Variants in GREB1L observed in about 807,000 individuals in gnomAD.
GREB1L encodes GREB1-like protein.
Under a neutral mutation model 200.8 loss-of-function variants are expected in GREB1L, and 17 were observed. That is an observed-to-expected ratio of 0.08 (90% CI 0.06 to 0.13). The LOEUF is 0.13. Ranked by LOEUF, GREB1L falls within the 10% of genes least tolerant of loss-of-function variation. The pLI is 1.00. For synonymous variants in GREB1L, 789 were observed against 893.0 expected (o/e 0.88, Z 2.08); for missense variants, 1,657 against 2,367.7 (o/e 0.70, Z 6.23).
At chr18:21,285,986 G>T (rs1598630293) in intron 1 of GREB1L, among the ~76,000 whole-genome samples, 1 of 152,190 alleles carries the variant, frequency 6.6e-6, no homozygotes, top group African/African-American at 2.4e-5. Context: ...CAAATGGTCT[G>T]TGATGAAGAC....
At chr18:21,254,420 G>T (rs1363591190) in intron 1 of GREB1L, among the ~76,000 whole-genome samples, 1 of 151,742 alleles carries the variant, frequency 6.6e-6, no homozygotes, top group Non-Finnish European at 1.5e-5. Context: ...TGTTTTTCAC[G>T]CGTATCATTT....
At chr18:21,314,147 A>G (rs774376818) in intron 1 of GREB1L, among the ~76,000 whole-genome samples, 2 of 152,234 alleles carry the variant, frequency 1.3e-5, no homozygotes, top group Non-Finnish European at 1.5e-5. Context: ...TGTATCTGCT[A>G]TTAGTGACTT....
chr18:21,376,695 C>G (rs571257177), intron 2 of GREB1L, among the ~76,000 whole-genome samples: 5 of 150,474 alleles, frequency 3.3e-5, no homozygotes, highest in African/African-American at 9.8e-5. Context: ...GTCCCAGCTA[C>G]TTGGGAGGCT....
chr18:21,481,752 T>C (rs2035932439), intron 17 of GREB1L, among the ~76,000 whole-genome samples: 1 of 152,140 alleles, frequency 6.6e-6, no homozygotes, highest in Non-Finnish European at 1.5e-5. Context: ...ATGTACTCTC[T>C]TGTATCTGAC....
intron 31 of GREB1L, among the ~76,000 whole-genome samples, chr18:21,518,933 A>G (rs11083186): frequency 6.6e-6 from 1 of 151,994 alleles, no homozygotes; most frequent in Non-Finnish European, 1.5e-5. Flanking sequence ...CCAGAAGAAT[A>G]TTTTGGTGTA....
chr18:21,429,665 T>A (rs2032988876), intron 7 of GREB1L, among the ~76,000 whole-genome samples: 1 of 152,184 alleles, frequency 6.6e-6, no homozygotes, highest in Admixed American at 6.5e-5. Context: ...TCTTTGTGGA[T>A]AATTGTGGGA....
chr18:21,364,131 G>C (rs1178738754), intron 1 of GREB1L, among the ~76,000 whole-genome samples: 2 of 151,702 alleles, frequency 1.3e-5, no homozygotes, highest in Non-Finnish European at 2.9e-5. Flanking sequence ...AAAATGAAAA[G>C]TTTTGGCCAC....
At chr18:21,253,993 T>A (rs2037758404) in intron 1 of GREB1L, among the ~76,000 whole-genome samples, 1 of 151,390 alleles carries the variant, frequency 6.6e-6, no homozygotes, top group South Asian at 2.1e-4. Context: ...TGTACCACTA[T>A]GCCTGGTTAA....
At chr18:21,298,303 C>G (rs1040093528) in intron 1 of GREB1L, among the ~76,000 whole-genome samples, 1 of 152,174 alleles carries the variant, frequency 6.6e-6, no homozygotes, top group African/African-American at 2.4e-5. Context: ...CTTTGTCTCT[C>G]TCACTTCCTA....
chr18:21,299,921 T>TA (rs1447511429), intron 1 of GREB1L, among the ~76,000 whole-genome samples: 2 of 152,140 alleles, frequency 1.3e-5, no homozygotes, highest in Non-Finnish European at 2.9e-5. Flanking sequence ...GTATATTACA[T>TA]ATAGAATACC....
intron 1 of GREB1L, among the ~76,000 whole-genome samples, chr18:21,267,194 T>A (rs865932097): frequency 4.1e-5 from 6 of 146,378 alleles, no homozygotes; most frequent in African/African-American, 1.5e-4. Flanking sequence ...GGCCGCTTTT[T>A]TTTTTTTTTT....
intron 32 of GREB1L, among the ~76,000 whole-genome samples, chr18:21,521,344 C>T (rs1278158654): frequency 2.0e-5 from 3 of 151,316 alleles, no homozygotes; most frequent in Non-Finnish European, 4.4e-5. Context: ...GCACTCCAGC[C>T]TGGGCAACAA....
intron 1 of GREB1L, among the ~76,000 whole-genome samples, chr18:21,343,110 G>T (rs1369854304): frequency 1.3e-5 from 2 of 151,692 alleles, no homozygotes; most frequent in Non-Finnish European, 2.9e-5. Context: ...CTAAGTCATG[G>T]ACACCTTTTG....
chr18:21,435,823 T>C (rs1023386804), intron 7 of GREB1L, among the ~76,000 whole-genome samples: 1 of 152,172 alleles, frequency 6.6e-6, no homozygotes, highest in Admixed American at 6.6e-5. Context: ...AGCAGAGGAA[T>C]GGCATGGTTT....
chr18:21,366,883 C>T (rs1419246047), intron 2 of GREB1L, among the ~76,000 whole-genome samples: 1 of 152,172 alleles, frequency 6.6e-6, no homozygotes, highest in African/African-American at 2.4e-5. Context: ...TTTGTTCCTT[C>T]ATGGTGACCA....
chr18:21,487,021 C>T (rs750718141), intron 18 of GREB1L, among the ~76,000 whole-genome samples: 4 of 152,180 alleles, frequency 2.6e-5, no homozygotes, highest in Non-Finnish European at 5.9e-5. Context: ...GGCTCAAGTA[C>T]GGTTTGATAT....
intron 15 of GREB1L, among the ~76,000 whole-genome samples, chr18:21,459,025 A>G (rs557826375): frequency 7.5e-5 from 11 of 146,028 alleles, no homozygotes; most frequent in Non-Finnish European, 1.7e-4. Flanking sequence ...TGTTGGTGGG[A>G]GCCCTAGCAA....
chr18:21,434,163 T>C (rs1050755153), intron 7 of GREB1L, among the ~76,000 whole-genome samples: 7 of 152,106 alleles, frequency 4.6e-5, no homozygotes, highest in Non-Finnish European at 8.8e-5. Flanking sequence ...TAGGTAGAGA[T>C]AAATACATCT....
At chr18:21,334,124 C>T (rs1213900734) in intron 1 of GREB1L, among the ~76,000 whole-genome samples, 4 of 152,116 alleles carry the variant, frequency 2.6e-5, no homozygotes, top group Admixed American at 2.0e-4. Flanking sequence ...TTACATTCCT[C>T]AAGACAAAAT....
Sources: gnomAD v4.1 joint callset for allele counts (sites outside exome capture counted in the v4.1 genomes callset) on GRCh38, gnomAD v4.1.1 for gene constraint, MANE v1.5 for transcripts, NCBI Gene and HGNC (gene_info 2026-07-23, HGNC 2026-07-21) for gene names.